Variants in KCNMB3 observed in about 807,000 individuals in gnomAD.
The protein encoded by KCNMB3 is calcium-activated potassium channel subunit beta-3.
Under a neutral mutation model 11.9 loss-of-function variants are expected in KCNMB3, and 18 were observed. The ratio of observed to expected loss-of-function variants is 1.51; its 90% confidence interval spans 1.04 to 2.23. KCNMB3 has a LOEUF of 2.23. Ranked by LOEUF, KCNMB3 falls within the 30% of genes most tolerant of loss-of-function variation. The pLI is 0.00. For missense variants in KCNMB3, 247 were observed against 329.4 expected (o/e 0.75, Z 1.94); for synonymous variants, 78 against 119.2 (o/e 0.65, Z 2.25).
At chr3:179,260,155 G>C in intron 1 of KCNMB3, 1 of 1,609,998 alleles carries the variant, frequency 6.2e-7, no homozygotes, top group South Asian at 1.1e-5. Context: ...TCTCCAACCT[G>C]AGTCACCGCT....
chr3:179,262,762 T>G (rs1011521513), intron 1 of KCNMB3, among the ~76,000 whole-genome samples: 1 of 152,180 alleles, frequency 6.6e-6, no homozygotes, highest in Admixed American at 6.5e-5. Context: ...CCCACTAGAT[T>G]AGCTAGATAC....
chr3:179,247,987 C>T (rs1414172714), intron 1 of KCNMB3, among the ~76,000 whole-genome samples: 5 of 152,078 alleles, frequency 3.3e-5, no homozygotes, highest in Admixed American at 3.3e-4. Flanking sequence ...CCAAAAAGCA[C>T]CCCTTGCCTT....
upstream of KCNMB3, chr3:179,251,228 T>C (rs1426626716): frequency 9.8e-6 from 15 of 1,528,342 alleles, no homozygotes; most frequent in Non-Finnish European, 1.2e-5. Flanking sequence ...GAATGTTGTA[T>C]GTAAATAAGT....
chr3:179,245,417 A>T (rs574115539), intron 1 of KCNMB3, among the ~76,000 whole-genome samples: 6 of 152,132 alleles, frequency 3.9e-5, no homozygotes, highest in Admixed American at 3.3e-4. Flanking sequence ...AGAGGTCAAG[A>T]GCTATATCCA....
chr3:179,245,817 GAAA>G (rs1450295411), intron 1 of KCNMB3, among the ~76,000 whole-genome samples: 1 of 152,102 alleles, frequency 6.6e-6, no homozygotes, highest in Non-Finnish European at 1.5e-5. Flanking sequence ...ATTTTACTTG[GAAA>G]ATTTCTTGAG....
At chr3:179,262,942 A>G (rs921110070) in intron 1 of KCNMB3, among the ~76,000 whole-genome samples, 4 of 152,262 alleles carry the variant, frequency 2.6e-5, no homozygotes, top group African/African-American at 9.6e-5. Context: ...TTAGCTAAAC[A>G]TAAACGTTCT....
intron 1 of KCNMB3, among the ~76,000 whole-genome samples, chr3:179,248,077 T>C (rs77482668): frequency 0.057 from 8,661 of 151,740 alleles, 317 homozygotes; most frequent in Middle Eastern, 0.2. Flanking sequence ...GCCCCTCCCC[T>C]TCCCTAATCA....
chr3:179,254,221 G>T (rs1725938806), upstream of KCNMB3, among the ~76,000 whole-genome samples: 2 of 152,156 alleles, frequency 1.3e-5, no homozygotes, highest in South Asian at 4.1e-4. Context: ...ACTGGAAATA[G>T]CCCCTCTCCC....
At chr3:179,264,495 C>G (rs144156042) in intron 1 of KCNMB3, among the ~76,000 whole-genome samples, 2 of 152,206 alleles carry the variant, frequency 1.3e-5, no homozygotes, top group African/African-American at 4.8e-5. Context: ...AGTGTATTAC[C>G]TTGAGCTGTT....
intron 1 of KCNMB3, chr3:179,261,301 G>T: frequency 3.2e-6 from 4 of 1,264,732 alleles, no homozygotes; most frequent in Non-Finnish European, 4.0e-6. Flanking sequence ...GCTCCACCCG[G>T]CGGGAAACGC....
In KCNMB3 at chr3:179,242,819, A is replaced by G. The variant is rs1059691; in HGVS notation, c.*85T>C. On this transcript the variant is annotated 3_prime_UTR_variant, in exon 3 of 3. Transcript: ENST00000392685. ...TACTTTAATTATTACCTTTTACATTATTAGTTTGCAGACAGGCATAATTAG... is the reference window on the plus strand; with the variant it reads ...TACTTTAATTATTACCTTTTACATTGTTAGTTTGCAGACAGGCATAATTAG... The G allele has an allele frequency of 0.2, 296,193 of 1,476,484 alleles. 32,977 individuals are homozygous for G. The highest frequency in any genetic ancestry group is 0.44 in the African/African-American group (31,149 of 70,760). The allele number at this position is 1,476,484 out of a possible 1,614,324, so 91.5% of individuals were successfully genotyped here.
upstream of KCNMB3, chr3:179,266,984 T>TTCTC (rs10629420): frequency 8.8e-7 from 1 of 1,139,396 alleles, no homozygotes; most frequent in Non-Finnish European, 1.1e-6. Flanking sequence ...CCGAAGCTGC[T>TTCTC]TCTCTCTCTT....
chr3:179,251,653 G>A (rs190115284), upstream of KCNMB3: 15 of 1,243,744 alleles, frequency 1.2e-5, no homozygotes, highest in African/African-American at 7.7e-5. Context: ...CACAAAGGTC[G>A]CAAACCGGTG....
chr3:179,240,300 G>GTGA (rs1422447567), downstream of KCNMB3: 1 of 451,496 alleles, frequency 2.2e-6, no homozygotes, highest in African/African-American at 2.0e-5. Context: ...CCCCAGTAAA[G>GTGA]TGATGAATAT....
At chr3:179,254,788 A>G (rs9850477), upstream of KCNMB3, among the ~76,000 whole-genome samples, 89,628 of 151,994 alleles carry the variant, frequency 0.59, 28,524 homozygotes, top group African/African-American at 0.84. Flanking sequence ...GCGACAGAGC[A>G]AGACTCGTCT....
intron 1 of KCNMB3, chr3:179,259,023 G>C: frequency 6.2e-7 from 1 of 1,614,100 alleles, no homozygotes; most frequent in Non-Finnish European, 8.5e-7. Flanking sequence ...CTCAGCTTAG[G>C]ACATGGTACG....
chr3:179,260,365 C>G (rs1726164153), intron 1 of KCNMB3: 1 of 1,613,848 alleles, frequency 6.2e-7, no homozygotes, highest in African/African-American at 1.3e-5. Flanking sequence ...GCTAAGGTTC[C>G]TAGGAATGGG....
At chr3:179,260,357 T>A in intron 1 of KCNMB3, 1 of 1,614,016 alleles carries the variant, frequency 6.2e-7, no homozygotes, top group Non-Finnish European at 8.5e-7. Context: ...TAGCACCTGC[T>A]AAGGTTCCTA....
chr3:179,266,651 C>A, exon 1 of KCNMB3: 1 of 1,614,094 alleles, frequency 6.2e-7, no homozygotes, highest in Non-Finnish European at 8.5e-7. Context: ...TGACTTACCT[C>A]CCCTGGCGCC....
Sources: allele counts gnomAD v4.1 joint callset (sites outside exome capture counted in the v4.1 genomes callset), GRCh38; gene constraint gnomAD v4.1.1; transcripts MANE v1.5; gene names NCBI Gene and HGNC (gene_info 2026-07-23, HGNC 2026-07-21).